Variants in EBF4 observed in about 807,000 individuals in gnomAD.
The protein encoded by EBF4 is EBF transcription factor 4.
Under a neutral mutation model 67.1 loss-of-function variants are expected in EBF4, and 34 were observed. The ratio of observed to expected loss-of-function variants is 0.51; its 90% CI spans 0.39 to 0.67. The LOEUF (loss-of-function observed/expected upper bound fraction) is 0.67. EBF4 is among the 30% of genes least tolerant of loss of function. The pLI, the probability that EBF4 is intolerant of heterozygous loss-of-function variation, is 0.00. For missense variants in EBF4, 837 were observed against 873.3 expected (o/e 0.96, Z 0.52); for synonymous variants, 387 against 377.7 (o/e 1.02, Z -0.29).
Position 2,756,643 on chromosome 20 carries a change from T to C in EBF4, c.1738+819T>C, listed in dbSNP as rs1035065937. Among the ~76,000 whole-genome samples, 1 of 152,216 alleles carries C rather than the reference T, an allele frequency of 6.6e-6. No homozygotes were observed. The highest frequency in any genetic ancestry group is 1.9e-4 in the East Asian group (1 of 5,194). On this transcript the variant is annotated intron_variant, in intron 15 of 16. Transcript: ENST00000609451. The surrounding 1 kb of genome is among the most constrained non-coding windows in gnomAD (Gnocchi z 4.5). ...TGGCATGCAGCAGGTGTTTAATAAATAGTCAAATTATTGAATGAATATATG... is the reference window on the plus strand; with the variant it reads ...TGGCATGCAGCAGGTGTTTAATAAACAGTCAAATTATTGAATGAATATATG...
exon 3 of EBF4, chr20:2,706,014 G>C: frequency 6.4e-7 from 1 of 1,551,558 alleles, no homozygotes; most frequent in Non-Finnish European, 8.7e-7. Context: ...ATCCATTACC[G>C]CCTCCGGCTG....
intron 15 of EBF4, among the ~76,000 whole-genome samples, chr20:2,758,607 A>G (rs2088279042): frequency 6.6e-6 from 1 of 152,132 alleles, no homozygotes; most frequent in Non-Finnish European, 1.5e-5. Context: ...GCCCTGGTAC[A>G]TGGCCATGCG....
intron 6 of EBF4, among the ~76,000 whole-genome samples, chr20:2,735,796 TGAG>T (rs1463763000): frequency 6.6e-6 from 1 of 152,160 alleles, no homozygotes; most frequent in Non-Finnish European, 1.5e-5. Context: ...ACAGAGCAGT[TGAG>T]GAGACAAATA....
intron 1 of EBF4, among the ~76,000 whole-genome samples, chr20:2,703,256 TAAAAAAAAA>T (rs58171984): frequency 8.8e-6 from 1 of 114,136 alleles, no homozygotes; most frequent in African/African-American, 3.2e-5. Context: ...GACCCTGTCT[TAAAAAAAAA>T]AAAAAAAAAA....
chr20:2,702,963 T>A (rs2087397290), intron 1 of EBF4, among the ~76,000 whole-genome samples: 1 of 152,046 alleles, frequency 6.6e-6, no homozygotes, highest in Non-Finnish European at 1.5e-5. Flanking sequence ...ACAAAAGTGC[T>A]CCGTAGTCAG....
chr20:2,753,482 C>T (rs1337227759), intron 14 of EBF4, among the ~76,000 whole-genome samples: 1 of 152,240 alleles, frequency 6.6e-6, no homozygotes, highest in African/African-American at 2.4e-5. Context: ...TATAAAGCGC[C>T]CACTGTATGC....
intron 1 of EBF4, among the ~76,000 whole-genome samples, chr20:2,697,877 C>G (rs1436361022): frequency 6.6e-6 from 1 of 152,250 alleles, no homozygotes; most frequent in East Asian, 1.9e-4. Flanking sequence ...AGGCCCAGGC[C>G]AGACCTCCCC....
chr20:2,744,839 G>A (rs1159830588), intron 6 of EBF4, among the ~76,000 whole-genome samples: 1 of 152,104 alleles, frequency 6.6e-6, no homozygotes, highest in Non-Finnish European at 1.5e-5. Flanking sequence ...ACAAGAAACT[G>A]ATACAACTAA....
At chr20:2,704,298 G>A (rs555106184) in intron 1 of EBF4, among the ~76,000 whole-genome samples, 5 of 151,970 alleles carry the variant, frequency 3.3e-5, no homozygotes, top group Admixed American at 6.6e-5. Context: ...GGTGTCCTAG[G>A]GGCCCCCAAA....
At position 2,696,834 on chromosome 20, in the gene EBF4, C is replaced by A. The variant is rs1201888716; in HGVS notation, c.137+3052C>A. ...CTTTAATGCTGCCTACGAATGCTTA[C>A]CATAGGCCAGCATCTGCTCTCCTCT... On this transcript the variant is annotated intron_variant, in intron 1 of 16. Coordinates refer to ENST00000609451, the Ensembl canonical transcript of EBF4. This position sits in a 1 kb window ranked among gnomAD's most constrained non-coding sequence, Gnocchi z 4.7. Among the ~76,000 whole-genome samples the A allele has an allele frequency of 6.6e-6, 1 of 152,140 alleles. No homozygotes were observed. Among genetic ancestry groups the A allele is most frequent in the East Asian group, 1.9e-4 (1 of 5,184 alleles).
At chr20:2,705,601 T>C (rs962689340) in exon 2 of EBF4, 25 of 1,552,530 alleles carry the variant, frequency 1.6e-5, no homozygotes, top group Non-Finnish European at 2.2e-5. Flanking sequence ...CACGAGCACA[T>C]TTTGAGAAGC....
chr20:2,749,729 C>T (rs1302837120), exon 9 of EBF4: 86 of 1,549,240 alleles, frequency 5.6e-5, no homozygotes, highest in Non-Finnish European at 7.2e-5. Flanking sequence ...AGGTCGTGTT[C>T]GGAAACGTGC....
In EBF4 at chr20:2,751,672, G is replaced by T. The variant is rs991619015; in HGVS notation, c.1019-28G>T. 1.3e-6 allele frequency: 2 copies of T among 1,548,530 alleles called. No homozygotes were observed. Among genetic ancestry groups the T allele is most frequent in the Admixed American group, 2.0e-5 (1 of 50,974 alleles). ...GGGAGTGGGGGGCTGCGGGGGAGAC[G>T]TCCTCCAAACGCCGCCCCCTTCCCC... is the stretch of plus-strand genomic sequence containing the variant. On this transcript the variant is annotated intron_variant, in intron 10 of 16. Coordinates refer to ENST00000609451, the Ensembl canonical transcript of EBF4. The surrounding 1 kb of genome is among the most constrained non-coding windows in gnomAD (Gnocchi z 5.2).
intron 16 of EBF4, 138 bp downstream of exon 16, chr20:2,759,122 C>G: frequency 1.2e-6 from 1 of 826,812 alleles, no homozygotes; most frequent in Non-Finnish European, 1.9e-6. Flanking sequence ...CCAAGTCTTC[C>G]TCCCCGGGGC....
At chr20:2,701,776 GC>G (rs962434612) in intron 1 of EBF4, among the ~76,000 whole-genome samples, 1 of 152,168 alleles carries the variant, frequency 6.6e-6, no homozygotes, top group Non-Finnish European at 1.5e-5. Flanking sequence ...GGATATAAAA[GC>G]CACAGGGACC....
chr20:2,701,990 C>A (rs898260554), intron 1 of EBF4, among the ~76,000 whole-genome samples: 2 of 152,204 alleles, frequency 1.3e-5, no homozygotes, highest in African/African-American at 4.8e-5. Context: ...CTGCCTCTTG[C>A]TGGCTGGGGA....
Position 2,739,083 on chromosome 20 carries a change from C to A in EBF4, c.558-9466C>A, listed in dbSNP as rs2087930793. ...ACCGCAGGCTAAGACCAGGAAGCAGCCTGGGCCAACCCCACATGGGCCTGA... is the reference window on the plus strand; with the variant it reads ...ACCGCAGGCTAAGACCAGGAAGCAGACTGGGCCAACCCCACATGGGCCTGA... On this transcript the variant is annotated intron_variant, in intron 6 of 16. Coordinates refer to ENST00000609451, the Ensembl canonical transcript of EBF4. This position sits in a 1 kb window ranked among gnomAD's most constrained non-coding sequence, Gnocchi z 4.5. 6.6e-6 allele frequency among the ~76,000 whole-genome samples: 1 copy of A among 152,188 alleles called. No homozygotes were observed. The highest frequency in any genetic ancestry group is 2.1e-4 in the South Asian group (1 of 4,826).
chr20:2,694,074 A>AAGAGGC (rs2087252437), intron 1 of EBF4, among the ~76,000 whole-genome samples: 1 of 152,164 alleles, frequency 6.6e-6, no homozygotes. Flanking sequence ...GCTCTGAGAG[A>AAGAGGC]AGAGGCAGAG....
chr20:2,754,543 G>A (rs970453158), intron 14 of EBF4, among the ~76,000 whole-genome samples: 2 of 152,188 alleles, frequency 1.3e-5, no homozygotes, highest in African/African-American at 4.8e-5. Flanking sequence ...GAGGGCATTT[G>A]GAAGAGGGGC....
Sources: allele counts gnomAD v4.1 joint callset (sites outside exome capture counted in the v4.1 genomes callset), GRCh38; gene constraint gnomAD v4.1.1; non-coding constraint Gnocchi (gnomAD v3.1); transcripts MANE v1.5; gene names NCBI Gene and HGNC (gene_info 2026-07-23, HGNC 2026-07-21).